PCDHA7: variants seen among roughly 807,000 people sequenced by gnomAD.
The protein encoded by PCDHA7 is protocadherin alpha-7.
PCDHA7 carries 37 observed loss-of-function variants against 57.2 expected under a neutral mutation model. The ratio of observed to expected loss-of-function variants is 0.65; its 90% CI spans 0.50 to 0.85. PCDHA7 has a LOEUF of 0.85. Ranked by LOEUF, PCDHA7 falls within the 40% of genes least tolerant of loss-of-function variation. The pLI, the probability that PCDHA7 is intolerant of heterozygous loss-of-function variation, is 0.00. For missense variants in PCDHA7, 1,188 were observed against 1,241.8 expected (o/e 0.96, Z 0.65); for synonymous variants, 553 against 558.8 (o/e 0.99, Z 0.15).
chr5:140,954,638 T>C (rs1297767818), intron 1 of PCDHA7, among the ~76,000 whole-genome samples: 2 of 152,212 alleles, frequency 1.3e-5, no homozygotes, highest in Non-Finnish European at 2.9e-5. Flanking sequence ...TTCTTGTAAA[T>C]TTGTTTAAGT....
At chr5:140,999,837 A>T (rs2097878885) in intron 3 of PCDHA7, among the ~76,000 whole-genome samples, 1 of 152,206 alleles carries the variant, frequency 6.6e-6, no homozygotes, top group Non-Finnish European at 1.5e-5. Context: ...AAATATGCCA[A>T]GTGTATTTAT....
chr5:140,858,335 C>T, intron 1 of PCDHA7: 1 of 1,595,924 alleles, frequency 6.3e-7, no homozygotes, highest in Non-Finnish European at 8.6e-7. Flanking sequence ...GGAGGGCCTG[C>T]CCAAGGCGGA....
At chr5:141,007,688 C>A (rs1554261446) in intron 3 of PCDHA7, among the ~76,000 whole-genome samples, 1 of 152,170 alleles carries the variant, frequency 6.6e-6, no homozygotes, top group Admixed American at 6.5e-5. Flanking sequence ...ATCCTACTTC[C>A]ACCTCCCTCC....
rs554073823 is a variant in PCDHA7 at position 140,945,407 on chromosome 5, T to C, written c.2356-33542T>C. Among the ~76,000 whole-genome samples, 498 of 152,246 alleles carry C rather than the reference T, an allele frequency of 3.3e-3. 2 individuals carry two copies. Among genetic ancestry groups the C allele is most frequent in the African/African-American group, 0.011 (476 of 41,568 alleles). ...CAATATACAAATTCAATACAATTCG[T>C]ATCAAAATTTCAATGAAGTTTTTAC... On this transcript the variant is annotated intron_variant, in intron 1 of 3. Coordinates refer to ENST00000525929, the MANE Select transcript of PCDHA7 (RefSeq NM_018910.3).
chr5:141,011,299 CTGAA>C lies in PCDHA7; in HGVS notation c.*1364_*1367del, dbSNP rs1554263406. ...TTTAGTTTTCCTTTTCTATAACACT[CTGAA>C]TTGCTAATCTTACTAACACCTATGA... is the stretch of plus-strand genomic sequence containing the variant. On this transcript the variant is annotated 3_prime_UTR_variant, in exon 4 of 4. Coordinates refer to ENST00000525929, the MANE Select transcript of PCDHA7 (RefSeq NM_018910.3). 1 of 153,768 alleles carries C rather than the reference CTGAA, an allele frequency of 6.5e-6. No homozygotes were observed. Among genetic ancestry groups the C allele is most frequent in the East Asian group, 1.9e-4 (1 of 5,198 alleles). The allele number at this position is 153,768 out of a possible 1,614,324, so 9.5% of individuals were successfully genotyped here.
chr5:140,882,480 A>T, intron 1 of PCDHA7: 1 of 1,614,020 alleles, frequency 6.2e-7, no homozygotes, highest in Non-Finnish European at 8.5e-7. Flanking sequence ...TCCAAAAGAC[A>T]CGGGGACCTT....
Position 140,885,608 on chromosome 5 carries a change from A to T in PCDHA7, c.2355+48870A>T, listed in dbSNP as rs1163790004. Among the ~76,000 whole-genome samples the T allele has an allele frequency of 2.0e-5, 3 of 152,192 alleles. No homozygotes were observed. In the East Asian group the frequency reaches 5.8e-4, roughly 29 times the overall value. On this transcript the variant is annotated intron_variant, in intron 1 of 3. Coordinates refer to ENST00000525929, the MANE Select transcript of PCDHA7 (RefSeq NM_018910.3). ...TGCATCAAAGATATTAATAATTTTA[A>T]TTATAAAATATGTCACTGGATTGCC...
chr5:140,843,593 G>T, intron 1 of PCDHA7: 2 of 1,596,072 alleles, frequency 1.3e-6, no homozygotes, highest in Non-Finnish European at 1.7e-6. Flanking sequence ...GCCGCAGAGG[G>T]TGTGCTCTGG....
rs550398364 is a variant in PCDHA7, at chr5:140,897,290, G to A, written c.2355+60552G>A. Among the ~76,000 whole-genome samples the A allele has an allele frequency of 1.2e-4, 18 of 150,778 alleles. No homozygotes were observed. In the East Asian group the frequency reaches 1.4e-3, roughly 11 times the overall value. On this transcript the variant is annotated intron_variant, in intron 1 of 3. Coordinates refer to ENST00000525929, the MANE Select transcript of PCDHA7 (RefSeq NM_018910.3). ...GCTGGTGTGCTGCACCCATTAACTC[G>A]TCATTTAGCATTAGGTATATCTCCT...
At chr5:140,966,973 G>A (rs782189736) in intron 1 of PCDHA7, 9 of 1,602,936 alleles carry the variant, frequency 5.6e-6, no homozygotes, top group African/African-American at 4.0e-5. Flanking sequence ...GGCTTGAGCT[G>A]CGGCGCTTGG....
At chr5:140,881,277 A>G (rs1370714709) in intron 1 of PCDHA7, 5 of 731,680 alleles carry the variant, frequency 6.8e-6, no homozygotes, top group Non-Finnish European at 8.4e-6. Flanking sequence ...ATGAAGTAAG[A>G]TGGAGAGAGA....
Position 140,861,518 on chromosome 5 carries a change from G to A in PCDHA7, c.2355+24780G>A, listed in dbSNP as rs560386977. The A allele has an allele frequency of 1.0e-3, 481 of 461,708 alleles. 1 individual carries two copies. Among genetic ancestry groups the A allele is most frequent in the African/African-American group, 8.4e-3 (422 of 50,046 alleles). The allele number at this position is 461,708 out of a possible 1,614,324, so 28.6% of individuals were successfully genotyped here. A position where few individuals can be genotyped will look rare whatever the true frequency, so the allele number is the denominator to read the frequency against. On this transcript the variant is annotated intron_variant, in intron 1 of 3. Transcript: ENST00000525929. The stretch of plus-strand genomic sequence containing the variant: ...TGATAGACCTCGAGGAGCTGTGTGG[G>A]AGGATCTCGGAGTGCAGCATCCACC...
At chr5:140,954,076 C>T (rs941125208) in intron 1 of PCDHA7, among the ~76,000 whole-genome samples, 4 of 152,150 alleles carry the variant, frequency 2.6e-5, no homozygotes, top group Non-Finnish European at 2.9e-5. Context: ...AGGATAATGG[C>T]TTCCAGCTCC....
chr5:140,853,247 C>G (rs985398812), intron 1 of PCDHA7: 3 of 975,930 alleles, frequency 3.1e-6, no homozygotes, highest in African/African-American at 3.5e-5. Context: ...ATATTAATCT[C>G]TATTCTCTCT....
intron 1 of PCDHA7, among the ~76,000 whole-genome samples, chr5:140,957,407 ATTG>A (rs2095357259): frequency 6.6e-6 from 1 of 152,156 alleles, no homozygotes; most frequent in Non-Finnish European, 1.5e-5. Context: ...ATTTATTATT[ATTG>A]TTGTTAATCT....
Position 140,876,997 on chromosome 5 carries a change from T to G in PCDHA7, c.2355+40259T>G, listed in dbSNP as rs1024280391. 6.8e-6 allele frequency: 11 copies of G among 1,612,358 alleles called. No homozygotes were observed. The African/African-American group carries it at 1.1e-4, about 16-fold the overall frequency. On this transcript the variant is annotated intron_variant, in intron 1 of 3. Transcript: ENST00000525929. ...CGAGCACGCACTGTCGAGCTACGTG[T>G]CGGTGCACGCGGAGAGCGGCAAGGT...
In PCDHA7 at chr5:140,883,232, G is replaced by C. The variant is rs782490836; in HGVS notation, c.2355+46494G>C. 3 of 1,613,952 alleles carry C rather than the reference G, an allele frequency of 1.9e-6. No individual in the cohort carries two copies. The Admixed American group carries it at 5.0e-5, about 27-fold the overall frequency. On this transcript the variant is annotated intron_variant, in intron 1 of 3. Transcript: ENST00000525929. ...GAAATTATATGAAATATCCGTGGAGGCAGTTGACAAAGGAAATATTCCAAT... is the reference window on the plus strand; with the variant it reads ...GAAATTATATGAAATATCCGTGGAGCCAGTTGACAAAGGAAATATTCCAAT...
intron 1 of PCDHA7, among the ~76,000 whole-genome samples, chr5:140,973,765 G>A (rs1326498499): frequency 6.6e-6 from 1 of 152,230 alleles, no homozygotes; most frequent in African/African-American, 2.4e-5. Context: ...GACACAGCCT[G>A]GCATATTATA....
intron 1 of PCDHA7, among the ~76,000 whole-genome samples, chr5:140,906,185 A>G (rs574875890): frequency 2.8e-4 from 43 of 152,270 alleles, no homozygotes; most frequent in African/African-American, 1.0e-3. Flanking sequence ...GCATCCTTCA[A>G]TCCAATCAAG....
Sources: allele counts gnomAD v4.1 joint callset (sites outside exome capture counted in the v4.1 genomes callset), GRCh38; gene constraint gnomAD v4.1.1; transcripts MANE v1.5; gene names NCBI Gene and HGNC (gene_info 2026-07-23, HGNC 2026-07-21).